Variants in RABGAP1L observed in about 807,000 individuals in gnomAD.
RABGAP1L encodes rab GTPase-activating protein 1-like.
RABGAP1L carries 63 observed loss-of-function variants against 137.7 expected under a neutral mutation model. The ratio of observed to expected loss-of-function variants is 0.46; its 90% confidence interval spans 0.37 to 0.56. RABGAP1L has a LOEUF of 0.56. Among genes scored for constraint, RABGAP1L ranks in the 20% least tolerant of loss-of-function variants. The probability of loss-of-function intolerance (pLI) is 0.00; values close to 1 mark genes in which losing one functional copy is unlikely to be tolerated. For synonymous variants in RABGAP1L, 431 were observed against 433.7 expected, an observed-to-expected ratio of 0.99 and a Z score of 0.08; for missense variants, 1,095 against 1,244.0, an observed-to-expected ratio of 0.88 and a Z score of 1.80.
chr1:174,488,098 T>C (rs1659848878), intron 13 of RABGAP1L, among the ~76,000 whole-genome samples: 1 of 152,162 alleles, frequency 6.6e-6, no homozygotes, highest in East Asian at 1.9e-4. Flanking sequence ...TGTGGGGTTT[T>C]TTTCTGTGTA....
intron 13 of RABGAP1L, among the ~76,000 whole-genome samples, chr1:174,499,124 A>C (rs927897900): frequency 6.6e-6 from 1 of 152,130 alleles, no homozygotes; most frequent in African/African-American, 2.4e-5. Context: ...GAGTTTCTTT[A>C]TGCAAAATTG....
At chr1:174,778,215 G>T (rs1686688195) in intron 18 of RABGAP1L, among the ~76,000 whole-genome samples, 1 of 152,182 alleles carries the variant, frequency 6.6e-6, no homozygotes, top group African/African-American at 2.4e-5. Flanking sequence ...TATATCAGCA[G>T]ATTTCTCCTT....
intron 7 of RABGAP1L, among the ~76,000 whole-genome samples, chr1:174,253,626 T>G (rs1387630811): frequency 6.6e-6 from 1 of 152,094 alleles, no homozygotes; most frequent in Non-Finnish European, 1.5e-5. Context: ...AAAAAAATGA[T>G]GGGGGCATAT....
chr1:174,926,088 T>C (rs980023618), intron 19 of RABGAP1L, among the ~76,000 whole-genome samples: 10 of 152,014 alleles, frequency 6.6e-5, no homozygotes, highest in African/African-American at 2.4e-4. Flanking sequence ...ACTTATCTTT[T>C]CCCCACCTAT....
intron 11 of RABGAP1L, among the ~76,000 whole-genome samples, chr1:174,355,828 T>G (rs1253262284): frequency 6.6e-6 from 1 of 152,150 alleles, no homozygotes; most frequent in East Asian, 1.9e-4. Flanking sequence ...GATGCTTAAG[T>G]TGGGAAAGAA....
In RABGAP1L at chr1:174,495,243, T is replaced by G. The variant is rs1353536031; in HGVS notation, c.1710+101098T>G. Reference sequence around the variant, plus strand: ...TGTAACTTCTAGTCTCACAAATTCATGGAGTGAAAGTCAGAGAGTGAAATT... The same window carrying G: ...TGTAACTTCTAGTCTCACAAATTCAGGGAGTGAAAGTCAGAGAGTGAAATT... On this transcript the variant is annotated intron_variant, in intron 13 of 25. Transcript: ENST00000681986. Among the ~76,000 whole-genome samples, 8 of 152,276 alleles carry G rather than the reference T, an allele frequency of 5.3e-5. No homozygotes were observed. In the East Asian group the frequency reaches 1.4e-3, roughly 26 times the overall value.
chr1:174,689,348 A>G (rs1261769905), intron 15 of RABGAP1L, among the ~76,000 whole-genome samples: 2 of 151,586 alleles, frequency 1.3e-5, no homozygotes, highest in African/African-American at 4.8e-5. Context: ...TATTTATAAC[A>G]TATATATATG....
At chr1:174,677,023 A>C (rs1487364500) in intron 14 of RABGAP1L, among the ~76,000 whole-genome samples, 2 of 152,134 alleles carry the variant, frequency 1.3e-5, no homozygotes, top group Non-Finnish European at 2.9e-5. Flanking sequence ...CACTTACGGC[A>C]TAAGTATCAG....
chr1:174,630,157 T>A (rs1396828232), intron 13 of RABGAP1L, among the ~76,000 whole-genome samples: 1 of 151,496 alleles, frequency 6.6e-6, no homozygotes, highest in East Asian at 1.9e-4. Context: ...ATAATCGTGG[T>A]TTTTGTCTTT....
rs1266509361 is a variant in RABGAP1L at position 174,614,977 on chromosome 1, G to T, written c.1711-22398G>T. On this transcript the variant is annotated intron_variant, in intron 13 of 25. Transcript: ENST00000681986. ...TATTGGTTATTCTAGTTATACATTT[G>T]TCTAAATTTTTTTCAAAGTTATTAA... Among the ~76,000 whole-genome samples the T allele has an allele frequency of 7.9e-5, 12 of 152,210 alleles. No individual in the cohort carries two copies. In the East Asian group the frequency reaches 2.1e-3, roughly 27 times the overall value.
At chr1:174,466,121 A>G (rs1156405071) in intron 13 of RABGAP1L, among the ~76,000 whole-genome samples, 2 of 152,188 alleles carry the variant, frequency 1.3e-5, no homozygotes, top group African/African-American at 2.4e-5. Flanking sequence ...TAGTGAACTT[A>G]TTTAGGTCTA....
chr1:174,722,789 CA>C (rs372523123), intron 17 of RABGAP1L, among the ~76,000 whole-genome samples: 5 of 152,048 alleles, frequency 3.3e-5, no homozygotes, highest in African/African-American at 1.2e-4. Flanking sequence ...AAATGGCTAG[CA>C]AGAATCTTCT....
intron 19 of RABGAP1L, among the ~76,000 whole-genome samples, chr1:174,819,334 T>A (rs2148881244): frequency 6.6e-6 from 1 of 152,096 alleles, no homozygotes; most frequent in South Asian, 2.1e-4. Flanking sequence ...AGATGAGTCT[T>A]TAATGCTAAA....
chr1:174,712,283 A>C (rs1680603868), intron 17 of RABGAP1L, among the ~76,000 whole-genome samples: 1 of 152,142 alleles, frequency 6.6e-6, no homozygotes. Context: ...CTTTGCAGTA[A>C]ATTTTGTTGC....
rs552547531 is a variant in RABGAP1L at position 174,557,330 on chromosome 1, T to C, written c.1711-80045T>C. 4.9e-4 allele frequency among the ~76,000 whole-genome samples: 75 copies of C among 152,328 alleles called. No homozygotes were observed. In the South Asian group the frequency reaches 0.013, roughly 26 times the overall value. ...AGTGTGTATCTGCTGGATACAAATATCACTTCTGTCATTCCGATGGCCATG... is the reference window on the plus strand; with the variant it reads ...AGTGTGTATCTGCTGGATACAAATACCACTTCTGTCATTCCGATGGCCATG... On this transcript the variant is annotated intron_variant, in intron 13 of 25. Coordinates refer to ENST00000681986, the MANE Select transcript of RABGAP1L (RefSeq NM_001366446.1).
chr1:174,784,195 A>G (rs886200818), intron 18 of RABGAP1L, among the ~76,000 whole-genome samples: 1 of 150,510 alleles, frequency 6.6e-6, no homozygotes, highest in Non-Finnish European at 1.5e-5. Flanking sequence ...AATTTTTTGT[A>G]TTTTTAGTAG....
chr1:174,193,667 C>T (rs184216753), intron 1 of RABGAP1L, among the ~76,000 whole-genome samples: 231 of 152,218 alleles, frequency 1.5e-3, no homozygotes, highest in Non-Finnish European at 2.8e-3. Context: ...TATATAGGAA[C>T]ATTAAACAGA....
intron 11 of RABGAP1L, among the ~76,000 whole-genome samples, chr1:174,369,554 A>G (rs1684926289): frequency 1.3e-5 from 2 of 152,198 alleles, no homozygotes; most frequent in African/African-American, 4.8e-5. Context: ...TATAAATGTT[A>G]TAAAAGATAG....
intron 1 of RABGAP1L, among the ~76,000 whole-genome samples, chr1:174,205,612 C>T (rs1668455931): frequency 6.6e-6 from 1 of 151,942 alleles, no homozygotes; most frequent in African/African-American, 2.4e-5. Context: ...TTTTTTATTT[C>T]TGTGGGGTCA....
Sources: allele counts gnomAD v4.1 joint callset (sites outside exome capture counted in the v4.1 genomes callset), GRCh38; gene constraint gnomAD v4.1.1; transcripts MANE v1.5; gene names NCBI Gene and HGNC (gene_info 2026-07-23, HGNC 2026-07-21).